The following GPC3 variants were observed in gnomAD, a reference collection of about 807,000 sequenced individuals.
GPC3 encodes glypican-3.
Under a neutral mutation model 34.4 loss-of-function variants are expected in GPC3, and 3 were observed. The ratio of observed to expected loss-of-function variants is 0.09; its 90% confidence interval spans 0.04 to 0.23. GPC3 has a LOEUF of 0.23. GPC3 is among the 10% of genes least tolerant of loss of function. The probability of loss-of-function intolerance (pLI) is 1.00; values close to 1 mark genes in which losing one functional copy is unlikely to be tolerated. For synonymous variants in GPC3, 177 were observed against 174.0 expected (o/e 1.02, Z -0.13); for missense variants, 351 against 445.6 (o/e 0.79, Z 1.91).
intron 7 of GPC3, among the ~76,000 whole-genome samples, chrX:133,552,418 G>A (rs2069443223): frequency 8.9e-6 from 1 of 111,826 alleles, no homozygotes; most frequent in Admixed American, 9.5e-5. Context: ...TTAGGGAGGA[G>A]GGCTTTAAAT....
intron 2 of GPC3, among the ~76,000 whole-genome samples, chrX:133,873,576 C>T (rs1171905833): frequency 2.7e-5 from 3 of 111,279 alleles, no homozygotes; most frequent in Non-Finnish European, 5.7e-5. Context: ...TAGCTGTTAT[C>T]TTCTTGGGGG....
At chrX:133,635,576 C>A (rs2070412536) in intron 6 of GPC3, among the ~76,000 whole-genome samples, 1 of 111,738 alleles carries the variant, frequency 8.9e-6, no homozygotes, top group Admixed American at 9.5e-5. Flanking sequence ...TAAAATATAC[C>A]TAAGAAAGTA....
At chrX:133,830,696 A>C (rs1342358557) in intron 2 of GPC3, among the ~76,000 whole-genome samples, 5 of 107,973 alleles carry the variant, frequency 4.6e-5, no homozygotes, top group African/African-American at 1.7e-4. Flanking sequence ...AAAAAAAAAA[A>C]AAAAAAAAAA....
intron 6 of GPC3, among the ~76,000 whole-genome samples, chrX:133,636,959 A>G (rs1603205702): frequency 9.0e-6 from 1 of 111,571 alleles, no homozygotes; most frequent in East Asian, 2.8e-4. Flanking sequence ...ACAAGCCACA[A>G]TTTAACACTT....
chrX:133,605,275 T>C (rs1372445787), intron 6 of GPC3, among the ~76,000 whole-genome samples: 1 of 111,531 alleles, frequency 9.0e-6, no homozygotes, highest in African/African-American at 3.3e-5. Flanking sequence ...TGTGTGACTT[T>C]GGGCAAGTCA....
chrX:133,613,529 G>A (rs918517340), intron 6 of GPC3, among the ~76,000 whole-genome samples: 1 of 111,826 alleles, frequency 8.9e-6, no homozygotes, highest in African/African-American at 3.2e-5. Context: ...AATAATCTCT[G>A]CCCTGGAAAA....
At chrX:133,742,475 C>T (rs2071572242) in intron 3 of GPC3, among the ~76,000 whole-genome samples, 1 of 111,645 alleles carries the variant, frequency 9.0e-6, no homozygotes, top group South Asian at 3.8e-4. Flanking sequence ...CAGTCTCCTT[C>T]AGCTCCACTA....
chrX:133,857,921 G>A (rs2075912617), intron 2 of GPC3, among the ~76,000 whole-genome samples: 1 of 112,083 alleles, frequency 8.9e-6, no homozygotes, highest in Non-Finnish European at 1.9e-5. Context: ...AGGGATAAAA[G>A]GGGGAAGGAG....
intron 7 of GPC3, among the ~76,000 whole-genome samples, chrX:133,549,610 CCT>C (rs60078616): frequency 4.0e-5 from 4 of 99,557 alleles, no homozygotes; most frequent in Non-Finnish European, 7.8e-5. Context: ...CCTGGAATGG[CCT>C]CTCTCTCTCT....
chrX:133,731,025 A>G (rs771219284), intron 3 of GPC3, among the ~76,000 whole-genome samples: 1 of 112,561 alleles, frequency 8.9e-6, no homozygotes, highest in African/African-American at 3.2e-5. Flanking sequence ...ATGATTTTTT[A>G]AAAACCACAA....
chrX:133,826,631 A>T (rs2075748083), intron 2 of GPC3, among the ~76,000 whole-genome samples: 1 of 111,657 alleles, frequency 9.0e-6, no homozygotes, highest in South Asian at 3.8e-4. Flanking sequence ...TATCTGAAGA[A>T]ATAATGGCCA....
intron 7 of GPC3, among the ~76,000 whole-genome samples, chrX:133,545,314 G>A (rs767492478): frequency 6.6e-4 from 74 of 111,665 alleles, no homozygotes; most frequent in Non-Finnish European, 2.1e-4. Context: ...TTAAATAGAA[G>A]GTTATGGGTG....
At chrX:133,788,081 T>C in intron 2 of GPC3, among the ~76,000 whole-genome samples, 1 of 68,311 alleles carries the variant, frequency 1.5e-5, no homozygotes, top group African/African-American at 5.6e-5. Context: ...AAAGATATCA[T>C]ATTATTTTAT....
chrX:133,630,771 T>G (rs1311723893), intron 6 of GPC3, among the ~76,000 whole-genome samples: 2 of 112,001 alleles, frequency 1.8e-5, no homozygotes, highest in African/African-American at 6.5e-5. Flanking sequence ...AGAGACACAT[T>G]CCTTTGGAAT....
chrX:133,677,380 T>G (rs746264270), intron 5 of GPC3, among the ~76,000 whole-genome samples: 2 of 112,124 alleles, frequency 1.8e-5, no homozygotes, highest in Admixed American at 9.4e-5. Flanking sequence ...TCCTTTCATA[T>G]TCCCTCCCCC....
intron 2 of GPC3, among the ~76,000 whole-genome samples, chrX:133,800,925 G>T: frequency 8.9e-6 from 1 of 111,852 alleles, no homozygotes; most frequent in East Asian, 2.8e-4. Flanking sequence ...CAAGTCTTTT[G>T]TTCAAGCACA....
At chrX:133,608,127 AAGCTT>A (rs1300189097) in intron 6 of GPC3, among the ~76,000 whole-genome samples, 1 of 112,458 alleles carries the variant, frequency 8.9e-6, no homozygotes, top group East Asian at 2.8e-4. Flanking sequence ...TAGGCCCAAA[AAGCTT>A]AGCCAGATCA....
intron 1 of GPC3, among the ~76,000 whole-genome samples, chrX:133,966,594 CT>C (rs2076464419): frequency 8.9e-6 from 1 of 112,396 alleles, no homozygotes; most frequent in Admixed American, 9.4e-5. Context: ...TGATAGGAAC[CT>C]GTGGAAAAAG....
chrX:133,640,520 G>A (rs1040001187), intron 6 of GPC3, among the ~76,000 whole-genome samples: 3 of 112,362 alleles, frequency 2.7e-5, no homozygotes, highest in Non-Finnish European at 3.8e-5. Flanking sequence ...CCAAAAGCAC[G>A]CCGCTCTGGC....
Sources: allele counts gnomAD v4.1 joint callset (sites outside exome capture counted in the v4.1 genomes callset), GRCh38; gene constraint gnomAD v4.1.1; transcripts MANE v1.5; gene names NCBI Gene and HGNC (gene_info 2026-07-23, HGNC 2026-07-21).